The following GABRA2 variants were observed in gnomAD, a reference collection of about 807,000 sequenced individuals.
GABRA2 encodes gamma-aminobutyric acid type A receptor subunit alpha2, also known as gamma-aminobutyric acid receptor subunit alpha-2.
A neutral mutation model predicts 48.7 loss-of-function variants in GABRA2; 16 were observed. That is an observed-to-expected ratio of 0.33 (90% CI 0.22 to 0.50). The LOEUF is 0.50. Among genes scored for constraint, GABRA2 ranks in the 20% least tolerant of loss-of-function variants. The pLI, the probability that GABRA2 is intolerant of heterozygous loss-of-function variation, is 0.98. For synonymous variants in GABRA2, 185 were observed against 184.5 expected, an observed-to-expected ratio of 1.00 and a Z score of -0.02; for missense variants, 275 against 535.6, an observed-to-expected ratio of 0.51 and a Z score of 4.80.
chr4:46,326,353 A>C (rs1730370173), intron 4 of GABRA2, among the ~76,000 whole-genome samples: 1 of 151,948 alleles, frequency 6.6e-6, no homozygotes, highest in Non-Finnish European at 1.5e-5. Flanking sequence ...TGCGCAAAAC[A>C]CACGGGTTCA....
At chr4:46,360,656 G>T (rs2109955857) in intron 3 of GABRA2, among the ~76,000 whole-genome samples, 1 of 152,314 alleles carries the variant, frequency 6.6e-6, no homozygotes, top group Non-Finnish European at 1.5e-5. Flanking sequence ...ACCCAAAAAT[G>T]TGGAAAGGAC....
At chr4:46,365,297 A>C (rs979519881) in intron 3 of GABRA2, 6 of 152,148 alleles carry the variant, frequency 3.9e-5, no homozygotes, top group Non-Finnish European at 7.4e-5. Context: ...AAATTTAAAC[A>C]TTCTATGGAG....
At chr4:46,385,320 T>C (rs933056937) in intron 3 of GABRA2, among the ~76,000 whole-genome samples, 18 of 151,976 alleles carry the variant, frequency 1.2e-4, no homozygotes, top group African/African-American at 3.6e-4. Flanking sequence ...TTAATGATTA[T>C]GAAACAAACA....
Position 46,246,392 on chromosome 4 carries a change from G to T in GABRA2, c.*3916C>A, listed in dbSNP as rs922329986. On this transcript the variant is annotated 3_prime_UTR_variant, in exon 10 of 10. Transcript: ENST00000381620. ...AATTCAGTAGATAAAAATATGACTTGTCTTCTCCACACTGTTACAAGTGGT... is the reference window on the plus strand; with the variant it reads ...AATTCAGTAGATAAAAATATGACTTTTCTTCTCCACACTGTTACAAGTGGT... 6.6e-6 allele frequency among the ~76,000 whole-genome samples: 1 copy of T among 150,930 alleles called. No homozygotes were observed. Among genetic ancestry groups the T allele is most frequent in the Admixed American group, 6.6e-5 (1 of 15,060 alleles).
At chr4:46,340,271 A>G (rs1560550093) in intron 3 of GABRA2, among the ~76,000 whole-genome samples, 1 of 151,838 alleles carries the variant, frequency 6.6e-6, no homozygotes, top group African/African-American at 2.4e-5. Flanking sequence ...AAAGTGTACA[A>G]TTTAGTGCTT....
intron 8 of GABRA2, among the ~76,000 whole-genome samples, chr4:46,289,342 T>A (rs1253105835): frequency 6.6e-6 from 1 of 152,144 alleles, no homozygotes; most frequent in East Asian, 1.9e-4. Flanking sequence ...ATGTGGTAAA[T>A]ATACACCATG....
At chr4:46,310,315 G>A (rs374632281) in intron 5 of GABRA2, 60 bp from the exon 6 acceptor site, 959 of 1,210,144 alleles carry the variant, frequency 7.9e-4, no homozygotes, top group Non-Finnish European at 1.1e-3. Flanking sequence ...AAAATCACTC[G>A]TCATTACTCT....
intron 3 of GABRA2, among the ~76,000 whole-genome samples, chr4:46,371,787 C>T (rs949161159): frequency 1.3e-5 from 2 of 152,084 alleles, no homozygotes; most frequent in African/African-American, 2.4e-5. Context: ...ACCACCACCA[C>T]CATTTAGAAA....
chr4:46,351,929 T>C (rs1192392242), intron 3 of GABRA2, among the ~76,000 whole-genome samples: 3 of 152,086 alleles, frequency 2.0e-5, no homozygotes, highest in East Asian at 1.9e-4. Flanking sequence ...GTATTCGTTA[T>C]ATAAACTTAT....
At chr4:46,321,795 C>G in intron 4 of GABRA2, among the ~76,000 whole-genome samples, 1 of 151,994 alleles carries the variant, frequency 6.6e-6, no homozygotes, top group East Asian at 1.9e-4. Context: ...ATCCTTCTCC[C>G]TCTCCCCATA....
chr4:46,374,836 C>CAA (rs33925896), intron 3 of GABRA2, among the ~76,000 whole-genome samples: 3 of 150,746 alleles, frequency 2.0e-5, no homozygotes, highest in African/African-American at 7.3e-5. Context: ...TGCTTCTATA[C>CAA]AAAAAAAAAT....
At chr4:46,324,694 C>T (rs1730034468) in intron 4 of GABRA2, among the ~76,000 whole-genome samples, 1 of 151,588 alleles carries the variant, frequency 6.6e-6, no homozygotes, top group South Asian at 2.1e-4. Context: ...ACACAGTATC[C>T]ATAGGTAGTT....
chr4:46,376,296 T>C (rs1186112756), intron 3 of GABRA2, among the ~76,000 whole-genome samples: 1 of 152,236 alleles, frequency 6.6e-6, no homozygotes, highest in Admixed American at 6.5e-5. Flanking sequence ...AGGTGATTTA[T>C]CTGTAGCAAT....
intron 8 of GABRA2, among the ~76,000 whole-genome samples, chr4:46,299,333 C>T (rs981182847): frequency 6.6e-6 from 1 of 151,846 alleles, no homozygotes; most frequent in Admixed American, 6.6e-5. Context: ...CCTCTTCTTA[C>T]TCCTTTATTT....
intron 3 of GABRA2, among the ~76,000 whole-genome samples, chr4:46,351,491 A>G (rs1314192582): frequency 6.6e-6 from 1 of 152,006 alleles, no homozygotes. Flanking sequence ...TTTATTCTAA[A>G]TCTGTCTCTG....
chr4:46,349,007 C>G (rs1412290768), intron 3 of GABRA2, among the ~76,000 whole-genome samples: 1 of 151,968 alleles, frequency 6.6e-6, no homozygotes. Flanking sequence ...GAGCAGCCAA[C>G]AACATTCAGT....
chr4:46,310,719 T>G (rs1407925519), intron 5 of GABRA2, among the ~76,000 whole-genome samples: 1 of 152,186 alleles, frequency 6.6e-6, no homozygotes, highest in Non-Finnish European at 1.5e-5. Flanking sequence ...TGTTACTGTA[T>G]ACTGCATATA....
chr4:46,258,162 G>C (rs1290225980), intron 9 of GABRA2, among the ~76,000 whole-genome samples: 4 of 151,634 alleles, frequency 2.6e-5, no homozygotes, highest in Non-Finnish European at 5.9e-5. Flanking sequence ...TTTAAATTTT[G>C]ATTGGGTAAT....
rs780233744 is a variant in GABRA2, at chr4:46,246,354, T to C, written c.*3954A>G. Among the ~76,000 whole-genome samples, 7 of 151,172 alleles carry C rather than the reference T, an allele frequency of 4.6e-5. No individual in the cohort carries two copies. Among genetic ancestry groups the C allele is most frequent in the Non-Finnish European group, 8.9e-5 (6 of 67,448 alleles). On this transcript the variant is annotated 3_prime_UTR_variant, in exon 10 of 10. Transcript: ENST00000381620. ...TAATTATGTTAAATATTTACTTTAA[T>C]TTTTAGAGCATGAATTCAGTAGATA...
Sources: gnomAD v4.1 joint callset for allele counts (sites outside exome capture counted in the v4.1 genomes callset) on GRCh38, gnomAD v4.1.1 for gene constraint, MANE v1.5 for transcripts, NCBI Gene and HGNC (gene_info 2026-07-23, HGNC 2026-07-21) for gene names.